The following IGFL4 variants were observed in gnomAD, a reference collection of about 807,000 sequenced individuals.
IGFL4 encodes IGF like family member 4, also known as insulin growth factor-like family member 4.
Under a neutral mutation model 15.4 loss-of-function variants are expected in IGFL4, and 12 were observed. The observed-to-expected ratio is 0.78, with a 90% CI of 0.50 to 1.26. IGFL4 has a LOEUF of 1.26. IGFL4 is among the 50% of genes most tolerant of loss of function. The pLI is 0.00. For missense variants in IGFL4, 126 were observed against 147.8 expected (o/e 0.85, Z 0.76); for synonymous variants, 54 against 55.9 (o/e 0.97, Z 0.16).
chr19:46,052,966 G>A (rs200591916), intron 2 of IGFL4, among the ~76,000 whole-genome samples: 2,125 of 111,390 alleles, frequency 0.019, no homozygotes, highest in East Asian at 0.032. Context: ...AGTCAGAAAA[G>A]AAAAAAAAAA....
chr19:46,054,274 A>G (rs1244044340), intron 2 of IGFL4, among the ~76,000 whole-genome samples: 1 of 152,074 alleles, frequency 6.6e-6, no homozygotes, highest in Admixed American at 6.5e-5. Context: ...TTTTGAGTTT[A>G]TTTTTGTATA....
At chr19:46,041,023 A>G, upstream of IGFL4, 10 of 1,463,580 alleles carry the variant, frequency 6.8e-6, no homozygotes, top group Non-Finnish European at 9.2e-6. Flanking sequence ...GTGACTTTAC[A>G]TAGGGGCTTA....
At chr19:46,062,085 T>C (rs1329714180) in intron 1 of IGFL4, among the ~76,000 whole-genome samples, 1 of 152,170 alleles carries the variant, frequency 6.6e-6, no homozygotes, top group Admixed American at 6.5e-5. Flanking sequence ...GCACTTCCTG[T>C]TTTTCCCAAG....
chr19:46,069,969 G>C (rs1482961795), intron 1 of IGFL4, among the ~76,000 whole-genome samples: 1 of 152,176 alleles, frequency 6.6e-6, no homozygotes, highest in Non-Finnish European at 1.5e-5. Context: ...AAAATGCACT[G>C]ACTCCAAACA....
intron 1 of IGFL4, chr19:46,076,882 T>C (rs1969605251): frequency 6.6e-6 from 1 of 152,186 alleles, no homozygotes; most frequent in Admixed American, 6.5e-5. Flanking sequence ...TCTGTTCTTT[T>C]GGTGCTGGAA....
chr19:46,060,450 G>T (rs1202808857), intron 1 of IGFL4, among the ~76,000 whole-genome samples: 1 of 152,114 alleles, frequency 6.6e-6, no homozygotes, highest in East Asian at 1.9e-4. Context: ...GTTTTTTCCT[G>T]TATTCTAATG....
At chr19:46,071,288 C>T (rs1969543471) in intron 1 of IGFL4, among the ~76,000 whole-genome samples, 1 of 152,176 alleles carries the variant, frequency 6.6e-6, no homozygotes, top group South Asian at 2.1e-4. Context: ...TTTGCCTCTC[C>T]CTTGACTATG....
chr19:46,044,955 A>C (rs1394022439), upstream of IGFL4, among the ~76,000 whole-genome samples: 1 of 152,212 alleles, frequency 6.6e-6, no homozygotes, highest in African/African-American at 2.4e-5. Flanking sequence ...GACCCCACAG[A>C]AACCTCATTC....
chr19:46,066,126 A>G (rs970474506), intron 1 of IGFL4, among the ~76,000 whole-genome samples: 1 of 152,152 alleles, frequency 6.6e-6, no homozygotes, highest in Admixed American at 6.5e-5. Context: ...GGGAGCCAGC[A>G]CCTACCATCT....
At chr19:46,060,306 A>G (rs1174645730) in intron 1 of IGFL4, 1 of 152,188 alleles carries the variant, frequency 6.6e-6, no homozygotes, top group Admixed American at 6.5e-5. Context: ...GAAAAACAAA[A>G]CAAAGGATCC....
upstream of IGFL4, among the ~76,000 whole-genome samples, chr19:46,045,276 C>T (rs1969287193): frequency 6.6e-6 from 1 of 152,044 alleles, no homozygotes; most frequent in Non-Finnish European, 1.5e-5. Context: ...AACCCCCTCT[C>T]TACTAAAAAT....
At chr19:46,052,469 A>G (rs573426771) in intron 2 of IGFL4, among the ~76,000 whole-genome samples, 1 of 152,134 alleles carries the variant, frequency 6.6e-6, no homozygotes, top group African/African-American at 2.4e-5. Flanking sequence ...ACCTGTCAAA[A>G]CCTCTGGGAT....
At chr19:46,043,673 A>G (rs1374429104), upstream of IGFL4, among the ~76,000 whole-genome samples, 1 of 152,240 alleles carries the variant, frequency 6.6e-6, no homozygotes, top group Non-Finnish European at 1.5e-5. Flanking sequence ...CAAAGATGCA[A>G]AAGCAATTCA....
At chr19:46,063,033 A>AACC (rs1969459318) in intron 1 of IGFL4, 1 of 152,174 alleles carries the variant, frequency 6.6e-6, no homozygotes, top group African/African-American at 2.4e-5. Context: ...AGGGGCCTCC[A>AACC]TCCTCTTAAG....
intron 2 of IGFL4, among the ~76,000 whole-genome samples, chr19:46,047,993 G>C (rs1353825255): frequency 6.6e-6 from 1 of 152,150 alleles, no homozygotes; most frequent in Non-Finnish European, 1.5e-5. Flanking sequence ...CAATATCCTT[G>C]ATGAACATCA....
chr19:46,065,487 T>G (rs1225669541), intron 1 of IGFL4, among the ~76,000 whole-genome samples: 1 of 152,230 alleles, frequency 6.6e-6, no homozygotes, highest in African/African-American at 2.4e-5. Context: ...TTTTGTATTT[T>G]TAGTAGAGAC....
chr19:46,048,808 G>A (rs4803894), intron 2 of IGFL4, among the ~76,000 whole-genome samples: 108,024 of 152,118 alleles, frequency 0.71, 39,064 homozygotes, highest in Middle Eastern at 0.75. Flanking sequence ...GCTCATGGAT[G>A]TGAAGAATGA....
At chr19:46,043,923 A>G (rs1334901149), upstream of IGFL4, among the ~76,000 whole-genome samples, 1 of 152,230 alleles carries the variant, frequency 6.6e-6, no homozygotes, top group Non-Finnish European at 1.5e-5. Flanking sequence ...AGCGGGCAAG[A>G]TGGCTGACTA....
intron 2 of IGFL4, among the ~76,000 whole-genome samples, chr19:46,055,379 CA>C (rs1200961943): frequency 2.6e-5 from 4 of 152,066 alleles, no homozygotes; most frequent in African/African-American, 9.7e-5. Flanking sequence ...TGTGTGCCAC[CA>C]GGCTAATCTT....
Sources: allele counts gnomAD v4.1 joint callset (sites outside exome capture counted in the v4.1 genomes callset), GRCh38; gene constraint gnomAD v4.1.1; transcripts MANE v1.5; gene names NCBI Gene and HGNC (gene_info 2026-07-23, HGNC 2026-07-21).